Variants in CXCR5 observed in about 807,000 individuals in gnomAD.
The protein encoded by CXCR5 is C-X-C motif chemokine receptor 5, also known as C-X-C chemokine receptor type 5.
CXCR5 carries 3 observed loss-of-function variants against 5.6 expected under a neutral mutation model. That is an observed-to-expected ratio of 0.54 (90% confidence interval 0.24 to 1.39). The LOEUF (loss-of-function observed/expected upper bound fraction) is 1.39. Among genes scored for constraint, CXCR5 ranks in the 40% most tolerant of loss-of-function variants. The pLI is 0.16. For missense variants in CXCR5, 333 were observed against 494.6 expected, an observed-to-expected ratio of 0.67 and a Z score of 3.10; for synonymous variants, 218 against 219.9, an observed-to-expected ratio of 0.99 and a Z score of 0.08.
intron 1 of CXCR5, among the ~76,000 whole-genome samples, chr11:118,884,894 A>G (rs1010707681): frequency 2.0e-5 from 3 of 152,126 alleles, no homozygotes; most frequent in African/African-American, 7.2e-5. Context: ...GGCTGGTTGT[A>G]AGGGTTTCTT....
At chr11:118,886,234 TCTC>T (rs1307737652) in intron 1 of CXCR5, 13 of 415,794 alleles carry the variant, frequency 3.1e-5, no homozygotes, top group Admixed American at 2.0e-4. Context: ...TGCTTCCTAT[TCTC>T]CTCCTTGTCC....
In CXCR5 at chr11:118,895,638, G is replaced by A. The variant is rs74875939; in HGVS notation, c.*975G>A. 135 of 158,242 alleles carry A rather than the reference G, an allele frequency of 8.5e-4. 1 individual carries two copies. In the East Asian group the frequency reaches 0.021, roughly 24 times the overall value. 9.8% of individuals were successfully genotyped at this position (158,242 alleles called of 1,614,324 possible). On this transcript the variant is annotated 3_prime_UTR_variant, in exon 2 of 2. Transcript: ENST00000292174. This position sits in a 1 kb window ranked among gnomAD's most constrained non-coding sequence, Gnocchi z 4.2. ...CTCCCTTCCCATAAGCTATAGACCC[G>A]AGGAAACTCAGAGTCGGAACGGAGA... is the stretch of plus-strand genomic sequence containing the variant.
At chr11:118,887,618 G>C (rs1307444037) in intron 1 of CXCR5, 1 of 180,048 alleles carries the variant, frequency 5.6e-6, no homozygotes, top group Non-Finnish European at 1.1e-5. Flanking sequence ...TGGCAAGCCA[G>C]AGTCTCAGAT....
chr11:118,895,759 G>A lies in CXCR5; in HGVS notation c.*1096G>A. ...AGTGTAAGAAACACACTGAGGCAGGGAAGTCCCCAGGCCCCAGGAAGCCGT... is the reference window on the plus strand; with the variant it reads ...AGTGTAAGAAACACACTGAGGCAGGAAAGTCCCCAGGCCCCAGGAAGCCGT... On this transcript the variant is annotated 3_prime_UTR_variant, in exon 2 of 2. Transcript: ENST00000292174. This position sits in a 1 kb window ranked among gnomAD's most constrained non-coding sequence, Gnocchi z 4.2. 1 of 167,380 alleles carries A rather than the reference G, an allele frequency of 6.0e-6. No homozygotes were observed. Among genetic ancestry groups the A allele is most frequent in the Non-Finnish European group, 1.5e-5 (1 of 68,308 alleles). The allele number at this position is 167,380 out of a possible 1,614,324, so 10.4% of individuals were successfully genotyped here. A position where few individuals can be genotyped will look rare whatever the true frequency, so the allele number is the denominator to read the frequency against.
chr11:118,894,033 C>CCTCTCCATCCACATCACCTGTGGGA lies in CXCR5; in HGVS notation c.491_515dup (p.Ile173LeufsTer144), dbSNP rs1565606988. On this transcript the variant is annotated frameshift_variant, in exon 2 of 2. Coordinates refer to ENST00000292174, the MANE Select transcript of CXCR5 (RefSeq NM_001716.5). LOFTEE classifies it low-confidence loss of function (END_TRUNC). The surrounding 1 kb of genome is among the most constrained non-coding windows in gnomAD (Gnocchi z 6.1). ...TCCATGCCTACCGCCACCGCCGCCT[C>CCTCTCCATCCACATCACCTGTGGGA]CTCTCCATCCACATCACCTGTGGGA... is the stretch of plus-strand genomic sequence containing the variant. 6.2e-7 allele frequency: 1 copy of CCTCTCCATCCACATCACCTGTGGGA among 1,613,950 alleles called. No homozygotes were observed. The highest frequency in any genetic ancestry group is 8.5e-7 in the Non-Finnish European group (1 of 1,180,022).
rs1939838106 is a variant in CXCR5, at chr11:118,893,108, G to A, written c.52-488G>A. ...GTGATAACAGAGACAGTCAGGAACA[G>A]GAAGACCCATGAGGAGGGAGCCCAC... On this transcript the variant is annotated intron_variant, in intron 1 of 1. Coordinates refer to ENST00000292174, the MANE Select transcript of CXCR5 (RefSeq NM_001716.5). This position sits in a 1 kb window ranked among gnomAD's most constrained non-coding sequence, Gnocchi z 5.7. Among the ~76,000 whole-genome samples, 1 of 152,202 alleles carries A rather than the reference G, an allele frequency of 6.6e-6. No individual in the cohort carries two copies. Among genetic ancestry groups the A allele is most frequent in the Non-Finnish European group, 1.5e-5 (1 of 68,040 alleles).
At chr11:118,884,889 G>A (rs1307759560) in intron 1 of CXCR5, among the ~76,000 whole-genome samples, 1 of 152,156 alleles carries the variant, frequency 6.6e-6, no homozygotes, top group Non-Finnish European at 1.5e-5. Flanking sequence ...GCAGAGGCTG[G>A]TTGTAAGGGT....
At position 118,894,235 on chromosome 11, in the gene CXCR5, A is replaced by G. The variant is rs772823257; in HGVS notation, c.691A>G (p.Met231Val). ...LYHVAGFLLPMLVMGWCYVGV... is the reference protein window; with the variant it reads ...LYHVAGFLLPVLVMGWCYVGV... ...CCATGTGGCGGGATTCCTGCTGCCC[A>G]TGCTGGTGATGGGCTGGTGCTACGT... Residue 231 changes from methionine (M) to valine (V), a missense_variant, in exon 2 of 2, where the codon ATG (methionine) becomes GTG (valine). Physicochemically the swap from Met to Val is conservative, Grantham distance 21. Transcript: ENST00000292174. This position sits in a 1 kb window ranked among gnomAD's most constrained non-coding sequence, Gnocchi z 6.1. The G allele has an allele frequency of 2.5e-6, 4 of 1,614,028 alleles. No individual in the cohort carries two copies. The highest frequency in any genetic ancestry group is 2.2e-5 in the South Asian group (2 of 91,088).
At chr11:118,886,557 A>G (rs965432933) in intron 1 of CXCR5, 6 of 362,252 alleles carry the variant, frequency 1.7e-5, no homozygotes, top group Admixed American at 1.5e-4. Context: ...AAGAACCAGG[A>G]ACAAGAAGAT....
At position 118,883,950 on chromosome 11, in the gene CXCR5, C is replaced by A; in HGVS notation, c.9C>A (p.Tyr3Ter). The A allele has an allele frequency of 6.2e-7, 1 of 1,612,388 alleles. No homozygotes were observed. The highest frequency in any genetic ancestry group is 8.5e-7 in the Non-Finnish European group (1 of 1,179,168). The change falls in exon 1 of 2, where the codon TAC (tyrosine) becomes TAA (stop). Residue 3 changes from tyrosine (Y) to a stop codon, truncating the protein, a stop_gained. Coordinates refer to ENST00000292174, the MANE Select transcript of CXCR5 (RefSeq NM_001716.5). LOFTEE classifies it low-confidence loss of function (END_TRUNC). The part of the protein sequence containing the change: MN[Y>*]PLTLEMDLEN... ...TCACAGCCGGCACAGCCATGAACTA[C>A]CCGCTAACGCTGGAAATGGACCTCG...
chr11:118,890,913 A>T (rs1939798417), intron 1 of CXCR5, among the ~76,000 whole-genome samples: 1 of 152,202 alleles, frequency 6.6e-6, no homozygotes. Flanking sequence ...AAGTCCTTGG[A>T]GCTGGGCACT....
chr11:118,889,081 C>T (rs2137654897), intron 1 of CXCR5, among the ~76,000 whole-genome samples: 1 of 152,280 alleles, frequency 6.6e-6, no homozygotes, highest in South Asian at 2.1e-4. Context: ...ACAGGCCAAG[C>T]ACTTTGCATC....
At chr11:118,885,255 C>A (rs1939692761) in intron 1 of CXCR5, among the ~76,000 whole-genome samples, 1 of 152,170 alleles carries the variant, frequency 6.6e-6, no homozygotes, top group Non-Finnish European at 1.5e-5. Flanking sequence ...GGAATCAGAG[C>A]CGGACCATTC....
At chr11:118,892,744 G>A (rs1939833176) in intron 1 of CXCR5, among the ~76,000 whole-genome samples, 1 of 152,060 alleles carries the variant, frequency 6.6e-6, no homozygotes, top group Non-Finnish European at 1.5e-5. Context: ...CACACCCCCT[G>A]CACTTGGAGC....
At chr11:118,887,593 G>A (rs1253594400) in intron 1 of CXCR5, 3 of 250,682 alleles carry the variant, frequency 1.2e-5, no homozygotes, top group Non-Finnish European at 1.9e-5. Flanking sequence ...GGTGCGGCAA[G>A]GGAGATGTGA....
chr11:118,893,485 T>C lies in CXCR5; in HGVS notation c.52-111T>C. 6.8e-7 allele frequency: 1 copy of C among 1,467,028 alleles called. No homozygotes were observed. Among genetic ancestry groups the C allele is most frequent in the Non-Finnish European group, 9.0e-7 (1 of 1,106,512 alleles). The allele number at this position is 1,467,028 out of a possible 1,614,324, so 90.9% of individuals were successfully genotyped here. A position where few individuals can be genotyped will look rare whatever the true frequency, so the allele number is the denominator to read the frequency against. ...CAAAATTGAAATTTGAAACTTGACA[T>C]TTGGTCAGTGGGCCCTATGTAGGAA... On this transcript the variant is annotated intron_variant, in intron 1 of 1. Transcript: ENST00000292174. The surrounding 1 kb of genome is among the most constrained non-coding windows in gnomAD (Gnocchi z 5.7).
At chr11:118,885,190 G>C (rs925243674) in intron 1 of CXCR5, among the ~76,000 whole-genome samples, 1 of 152,178 alleles carries the variant, frequency 6.6e-6, no homozygotes, top group African/African-American at 2.4e-5. Context: ...CGGGGAGAAA[G>C]TGGGCAGAAG....
At position 118,896,284 on chromosome 11, in the gene CXCR5, T is replaced by C. The variant is rs918388217; in HGVS notation, c.*1621T>C. The C allele has an allele frequency of 6.1e-5, 10 of 163,030 alleles. No individual in the cohort carries two copies. The highest frequency in any genetic ancestry group is 1.3e-4 in the Admixed American group (2 of 15,076). The allele number at this position is 163,030 out of a possible 1,614,324, so 10.1% of individuals were successfully genotyped here. ...TTCACATATTGTATTTATATATTTA[T>C]ATTTATATATATATTTATATAATGG... is the stretch of plus-strand genomic sequence containing the variant. On this transcript the variant is annotated 3_prime_UTR_variant, in exon 2 of 2. Coordinates refer to ENST00000292174, the MANE Select transcript of CXCR5 (RefSeq NM_001716.5).
Position 118,893,839 on chromosome 11 carries a change from C to T in CXCR5, c.295C>T (p.Leu99=). ...FLFHLAVADL[L]LVFILPFAVA... is the part of the protein sequence containing the mutation. ...GTTCCACCTGGCCGTGGCCGACCTC[C>T]TGCTGGTCTTCATCTTGCCCTTTGC... The change falls in exon 2 of 2, where the codon CTG becomes TTG. Residue 99 remains leucine, a synonymous_variant. Coordinates refer to ENST00000292174, the MANE Select transcript of CXCR5 (RefSeq NM_001716.5). The surrounding 1 kb of genome is among the most constrained non-coding windows in gnomAD (Gnocchi z 5.7). 6.2e-7 allele frequency: 1 copy of T among 1,614,162 alleles called. No individual in the cohort carries two copies. The highest frequency in any genetic ancestry group is 2.2e-5 in the East Asian group (1 of 44,876).
Sources: allele counts gnomAD v4.1 joint callset (sites outside exome capture counted in the v4.1 genomes callset), GRCh38; gene constraint gnomAD v4.1.1; non-coding constraint Gnocchi (gnomAD v3.1); transcripts MANE v1.5; gene names NCBI Gene and HGNC (gene_info 2026-07-23, HGNC 2026-07-21).